The following CLYBL variants were observed in gnomAD, a reference collection of about 807,000 sequenced individuals.
CLYBL encodes citramalyl-CoA lyase, mitochondrial.
Under a neutral mutation model 38.9 loss-of-function variants are expected in CLYBL, and 31 were observed. That is an observed-to-expected ratio of 0.80 (90% CI 0.60 to 1.08). The LOEUF (loss-of-function observed/expected upper bound fraction) is 1.08, where lower values mean the gene tolerates loss of function less well. Among genes scored for constraint, CLYBL ranks in the 50% least tolerant of loss-of-function variants. The probability of loss-of-function intolerance (pLI) is 0.00; values close to 1 mark genes in which losing one functional copy is unlikely to be tolerated. For synonymous variants in CLYBL, 171 were observed against 158.6 expected (o/e 1.08, Z -0.59); for missense variants, 434 against 411.6 (o/e 1.05, Z -0.47).
chr13:99,806,021 C>T (rs1004323774), intron 2 of CLYBL, among the ~76,000 whole-genome samples: 1 of 152,132 alleles, frequency 6.6e-6, no homozygotes. Flanking sequence ...AGATTGTCTT[C>T]AGTTTTTCAC....
intron 1 of CLYBL, among the ~76,000 whole-genome samples, chr13:99,656,493 A>G (rs1203072063): frequency 3.9e-5 from 6 of 152,146 alleles, no homozygotes; most frequent in Non-Finnish European, 8.8e-5. Context: ...CTTAACATTT[A>G]GTGACCTTAA....
At chr13:99,817,425 G>A (rs1015982002) in intron 2 of CLYBL, among the ~76,000 whole-genome samples, 9 of 151,892 alleles carry the variant, frequency 5.9e-5, no homozygotes, top group African/African-American at 2.2e-4. Context: ...TTGGGAGGCC[G>A]AGGCGGGCGG....
chr13:99,821,421 T>C (rs2050585820), intron 2 of CLYBL, among the ~76,000 whole-genome samples: 2 of 152,250 alleles, frequency 1.3e-5, no homozygotes, highest in Admixed American at 6.5e-5. Flanking sequence ...TCACAATTTA[T>C]CAAAAATTGC....
intron 1 of CLYBL, among the ~76,000 whole-genome samples, chr13:99,658,682 C>T (rs2047366386): frequency 6.6e-6 from 1 of 152,068 alleles, no homozygotes. Context: ...AGGTTCTCTG[C>T]GGAGTTTCGG....
At chr13:99,690,429 A>G (rs1451240105) in intron 1 of CLYBL, 3 of 151,964 alleles carry the variant, frequency 2.0e-5, no homozygotes, top group Non-Finnish European at 4.4e-5. Flanking sequence ...CCCAAACCCA[A>G]TCACCAACTT....
intron 2 of CLYBL, among the ~76,000 whole-genome samples, chr13:99,845,371 A>G (rs1261121294): frequency 6.6e-6 from 1 of 152,092 alleles, no homozygotes. Flanking sequence ...CGGGAAATTA[A>G]CCTGCTTGTT....
chr13:99,737,918 G>A (rs1161453391), intron 1 of CLYBL, among the ~76,000 whole-genome samples: 1 of 152,004 alleles, frequency 6.6e-6, no homozygotes, highest in Non-Finnish European at 1.5e-5. Context: ...AATTACATAC[G>A]AGTTACATTT....
At chr13:99,687,673 A>T (rs1332759530) in intron 1 of CLYBL, among the ~76,000 whole-genome samples, 1 of 152,174 alleles carries the variant, frequency 6.6e-6, no homozygotes, top group Admixed American at 6.5e-5. Context: ...TTAACTGAGA[A>T]ATGTTTTGCA....
chr13:99,722,823 C>T (rs996330309), intron 1 of CLYBL, among the ~76,000 whole-genome samples: 3 of 152,224 alleles, frequency 2.0e-5, no homozygotes, highest in East Asian at 1.9e-4. Context: ...GGTGGACTGA[C>T]GACTGAGTTC....
downstream of CLYBL, among the ~76,000 whole-genome samples, chr13:99,901,497 C>T (rs1045264048): frequency 4.0e-5 from 6 of 151,818 alleles, no homozygotes; most frequent in African/African-American, 1.5e-4. Context: ...CCAGAGAGAC[C>T]CCGAGAGAGA....
chr13:99,770,791 C>T (rs1012102976), intron 1 of CLYBL, among the ~76,000 whole-genome samples: 6 of 150,380 alleles, frequency 4.0e-5, no homozygotes, highest in East Asian at 2.0e-4. Context: ...GTGCGATCTC[C>T]GCTCACTGCA....
chr13:99,707,339 G>A (rs2048161626), intron 1 of CLYBL, among the ~76,000 whole-genome samples: 1 of 151,632 alleles, frequency 6.6e-6, no homozygotes, highest in Non-Finnish European at 1.5e-5. Context: ...GTGCGATCTC[G>A]GCTCACTGCA....
At chr13:99,888,378 G>A (rs2052404155) in intron 7 of CLYBL, among the ~76,000 whole-genome samples, 1 of 152,188 alleles carries the variant, frequency 6.6e-6, no homozygotes, top group East Asian at 1.9e-4. Flanking sequence ...TATGTAAAGT[G>A]CCAGGCAACA....
Position 99,768,526 on chromosome 13 carries a change from TTTA to T in CLYBL, c.63-4297_63-4295del, listed in dbSNP as rs1165466983. Among the ~76,000 whole-genome samples the T allele has an allele frequency of 2.1e-3, 23 of 11,018 alleles. 3 individuals are homozygous for T. Among genetic ancestry groups the T allele is most frequent in the African/African-American group, 7.2e-3 (23 of 3,216 alleles). 7.2% of individuals were successfully genotyped at this position (11,018 alleles called of 152,430 possible). On this transcript the variant is annotated intron_variant, in intron 1 of 8. Coordinates refer to ENST00000339105, the MANE Select transcript of CLYBL (RefSeq NM_206808.5). ...TTTTTTTTTTTTTTTTTTTTTTTTT[TTTA>T]AAGACAGAATCTCACTGTGTCACCC...
intron 1 of CLYBL, among the ~76,000 whole-genome samples, chr13:99,641,109 C>T (rs996320633): frequency 2.6e-5 from 4 of 152,138 alleles, no homozygotes; most frequent in Non-Finnish European, 4.4e-5. Flanking sequence ...AATATTCTTG[C>T]CTTCAGTCCT....
intron 7 of CLYBL, among the ~76,000 whole-genome samples, chr13:99,886,754 C>A (rs765899534): frequency 4.6e-5 from 7 of 152,222 alleles, no homozygotes; most frequent in Non-Finnish European, 8.8e-5. Context: ...GCAGCCATGG[C>A]AGGCCCTCAG....
chr13:99,688,985 A>T (rs1342704015), intron 1 of CLYBL, among the ~76,000 whole-genome samples: 2 of 152,150 alleles, frequency 1.3e-5, no homozygotes, highest in Non-Finnish European at 2.9e-5. Flanking sequence ...GCCAAGGTGA[A>T]ACCTGCGTTT....
At chr13:99,709,945 A>C (rs1294744092) in intron 1 of CLYBL, among the ~76,000 whole-genome samples, 5 of 106,650 alleles carry the variant, frequency 4.7e-5, no homozygotes, top group African/African-American at 1.9e-4. Flanking sequence ...TTTTTTTGAG[A>C]CGGAGTCTCG....
intron 1 of CLYBL, among the ~76,000 whole-genome samples, chr13:99,723,178 T>C (rs1255805238): frequency 6.6e-6 from 1 of 152,238 alleles, no homozygotes; most frequent in Non-Finnish European, 1.5e-5. Context: ...CCGTGTGACT[T>C]TCCCAGGCTG....
Sources: gnomAD v4.1 joint callset for allele counts (sites outside exome capture counted in the v4.1 genomes callset) on GRCh38, gnomAD v4.1.1 for gene constraint, MANE v1.5 for transcripts, NCBI Gene and HGNC (gene_info 2026-07-23, HGNC 2026-07-21) for gene names.